MICU1: variants seen among roughly 807,000 people sequenced by gnomAD.
The protein encoded by MICU1 is calcium uptake protein 1, mitochondrial.
Under a neutral mutation model 56.8 loss-of-function variants are expected in MICU1, and 45 were observed. That is an observed-to-expected ratio of 0.79 (90% CI 0.62 to 1.02). The LOEUF (loss-of-function observed/expected upper bound fraction) is 1.02. Ranked by LOEUF, MICU1 falls within the 50% of genes least tolerant of loss-of-function variation. The pLI is 0.00. For missense variants in MICU1, 504 were observed against 587.1 expected (o/e 0.86, Z 1.46); for synonymous variants, 186 against 195.1 (o/e 0.95, Z 0.39).
At chr10:72,624,748 G>A (rs1467181774) in intron 1 of MICU1, among the ~76,000 whole-genome samples, 2 of 152,144 alleles carry the variant, frequency 1.3e-5, no homozygotes, top group Non-Finnish European at 2.9e-5. Context: ...GATATATTAG[G>A]TAGCCAGAGT....
chr10:72,519,257 A>G lies in MICU1; in HGVS notation c.538-10988T>C, dbSNP rs115534888. The stretch of plus-strand genomic sequence containing the variant: ...ACAAAATATAACTGTTTTACTATTC[A>G]CTGATATGACCTAGTCTTAGATCTT... On this transcript the variant is annotated intron_variant, in intron 5 of 11. Transcript: ENST00000361114. Among the ~76,000 whole-genome samples, 718 of 152,338 alleles carry G rather than the reference A, an allele frequency of 4.7e-3. 4 individuals carry two copies. Among genetic ancestry groups the G allele is most frequent in the African/African-American group, 0.017 (691 of 41,586 alleles).
intron 7 of MICU1, 120 bp downstream of exon 7, chr10:72,477,054 G>T: frequency 1.6e-6 from 1 of 607,170 alleles, no homozygotes; most frequent in Non-Finnish European, 2.7e-6. Context: ...TGACATTTTA[G>T]GTACTTCAAA....
intron 1 of MICU1, among the ~76,000 whole-genome samples, chr10:72,588,719 G>GGGCT (rs1483205372): frequency 1.3e-5 from 2 of 152,082 alleles, no homozygotes; most frequent in Non-Finnish European, 2.9e-5. Flanking sequence ...TGGCTGTGGG[G>GGGCT]GGCTGTCCTA....
At chr10:72,470,481 G>T (rs938134957) in intron 8 of MICU1, among the ~76,000 whole-genome samples, 1 of 152,120 alleles carries the variant, frequency 6.6e-6, no homozygotes, top group Non-Finnish European at 1.5e-5. Flanking sequence ...TATCTGGCAG[G>T]GGTCCTTTCA....
chr10:72,472,146 A>G (rs1246359178), intron 8 of MICU1, among the ~76,000 whole-genome samples: 1 of 152,182 alleles, frequency 6.6e-6, no homozygotes, highest in Admixed American at 6.6e-5. Flanking sequence ...GTGAAGTTAT[A>G]TTTTGAACTC....
intron 10 of MICU1, among the ~76,000 whole-genome samples, chr10:72,399,645 CAAAAAAT>C (rs989500932): frequency 6.6e-6 from 1 of 151,500 alleles, no homozygotes; most frequent in Non-Finnish European, 1.5e-5. Flanking sequence ...AACTCCATCT[CAAAAAAT>C]AAAAAATAAA....
At chr10:72,444,193 G>A (rs1482056420) in intron 8 of MICU1, among the ~76,000 whole-genome samples, 2 of 151,220 alleles carry the variant, frequency 1.3e-5, no homozygotes, top group Non-Finnish European at 1.5e-5. Context: ...GGACACAGGA[G>A]GGGGAACATC....
intron 8 of MICU1, among the ~76,000 whole-genome samples, chr10:72,431,090 G>GTCTATCTATCTA (rs578019162): frequency 7.7e-4 from 79 of 102,012 alleles, no homozygotes; most frequent in Admixed American, 9.8e-4. Context: ...ACCTTTATCT[G>GTCTATCTATCTA]TCTGTCTATC....
At chr10:72,381,345 T>C (rs533048142) in intron 10 of MICU1, among the ~76,000 whole-genome samples, 1 of 152,276 alleles carries the variant, frequency 6.6e-6, no homozygotes, top group East Asian at 1.9e-4. Flanking sequence ...GCAGATGTCT[T>C]GTTTTCTTAA....
intron 4 of MICU1, among the ~76,000 whole-genome samples, chr10:72,543,525 C>A (rs1361400548): frequency 6.6e-6 from 1 of 151,808 alleles, no homozygotes; most frequent in African/African-American, 2.4e-5. Context: ...CAAATCAATC[C>A]ATCAATCAAT....
intron 5 of MICU1, among the ~76,000 whole-genome samples, chr10:72,519,822 T>TA (rs1374772031): frequency 5.9e-5 from 9 of 152,278 alleles, no homozygotes; most frequent in Admixed American, 2.0e-4. Flanking sequence ...GTTATAAAGT[T>TA]AAAAAAACTT....
chr10:72,439,152 T>C (rs567740403), intron 8 of MICU1, among the ~76,000 whole-genome samples: 18 of 152,284 alleles, frequency 1.2e-4, no homozygotes, highest in African/African-American at 4.1e-4. Context: ...AAATCCTCAA[T>C]AAAATACTGG....
chr10:72,453,284 A>G (rs1865352832), intron 8 of MICU1, among the ~76,000 whole-genome samples: 1 of 152,228 alleles, frequency 6.6e-6, no homozygotes, highest in African/African-American at 2.4e-5. Context: ...TGATAGATAT[A>G]TATTAAAAGT....
At chr10:72,587,464 CA>C (rs35303837) in intron 1 of MICU1, among the ~76,000 whole-genome samples, 3,456 of 92,788 alleles carry the variant, frequency 0.037, 90 homozygotes, top group African/African-American at 0.13. Flanking sequence ...CAGCATGTCT[CA>C]AAAAAAAAAA....
intron 8 of MICU1, among the ~76,000 whole-genome samples, chr10:72,430,591 C>T (rs1014126042): frequency 1.8e-4 from 27 of 152,236 alleles, no homozygotes; most frequent in African/African-American, 4.8e-4. Context: ...GATAGGGTCT[C>T]GCTCTGTTGC....
chr10:72,378,654 T>A (rs1282360601), intron 10 of MICU1, among the ~76,000 whole-genome samples: 1 of 152,114 alleles, frequency 6.6e-6, no homozygotes, highest in Non-Finnish European at 1.5e-5. Flanking sequence ...GCCCCCAACA[T>A]CAGCAGATGC....
chr10:72,503,507 G>A (rs1010310624), intron 6 of MICU1, among the ~76,000 whole-genome samples: 4 of 152,028 alleles, frequency 2.6e-5, no homozygotes, highest in African/African-American at 9.7e-5. Flanking sequence ...ATCCTAAAGT[G>A]AACTGGACAG....
chr10:72,393,413 A>G (rs1354755875), intron 10 of MICU1, among the ~76,000 whole-genome samples: 1 of 152,236 alleles, frequency 6.6e-6, no homozygotes, highest in Non-Finnish European at 1.5e-5. Flanking sequence ...GGAGCTAAAT[A>G]CATGGAGATC....
rs577469208 is a variant in MICU1, at chr10:72,384,598, T to G, written c.1181-8726A>C. On this transcript the variant is annotated intron_variant, in intron 10 of 11. Coordinates refer to ENST00000361114, the MANE Select transcript of MICU1 (RefSeq NM_001195518.2). ...TCTCCTCCTCCTTAGGGCACTTACCTAATTTTACTAAATCATAATATATTC... is the reference window on the plus strand; with the variant it reads ...TCTCCTCCTCCTTAGGGCACTTACCGAATTTTACTAAATCATAATATATTC... Among the ~76,000 whole-genome samples the G allele has an allele frequency of 2.0e-5, 3 of 152,326 alleles. No homozygotes were observed. The South Asian group carries it at 6.2e-4, about 32-fold the overall frequency.
Sources: allele counts gnomAD v4.1 joint callset (sites outside exome capture counted in the v4.1 genomes callset), GRCh38; gene constraint gnomAD v4.1.1; transcripts MANE v1.5; gene names NCBI Gene and HGNC (gene_info 2026-07-23, HGNC 2026-07-21).